The following ANKRD27 variants were observed in gnomAD, a reference collection of about 807,000 sequenced individuals.
The protein encoded by ANKRD27 is ankyrin repeat domain 27.
Under a neutral mutation model 129.7 loss-of-function variants are expected in ANKRD27, and 112 were observed. The observed-to-expected ratio is 0.86, with a 90% confidence interval of 0.74 to 1.01. The LOEUF (loss-of-function observed/expected upper bound fraction) is 1.01. ANKRD27 is among the 50% of genes least tolerant of loss of function. ANKRD27 has a pLI of 0.00. For missense variants in ANKRD27, 1,258 were observed against 1,300.5 expected (o/e 0.97, Z 0.50); for synonymous variants, 516 against 511.2 (o/e 1.01, Z -0.13).
intron 1 of ANKRD27, among the ~76,000 whole-genome samples, chr19:32,669,501 A>G (rs1325111759): frequency 2.6e-5 from 4 of 152,194 alleles, no homozygotes; most frequent in African/African-American, 9.6e-5. Flanking sequence ...GGCACATTGC[A>G]AAAGTAAAGA....
Position 32,644,364 on chromosome 19 carries a change from T to C in ANKRD27, c.486A>G (p.Thr162=), listed in dbSNP as rs773378845. The C allele has an allele frequency of 1.1e-4, 182 of 1,613,814 alleles. 1 individual carries two copies. In the Admixed American group the frequency reaches 2.7e-3, roughly 24 times the overall value. Residue 162 remains threonine, a synonymous_variant, in exon 5 of 29, where the codon ACA becomes ACG. Coordinates refer to ENST00000306065, the MANE Select transcript of ANKRD27 (RefSeq NM_032139.3). ...FDRNIASFHR[T]FRECERKSLR... is the part of the protein sequence containing the mutation. The stretch of plus-strand genomic sequence containing the variant: ...GGCTCTTTCTCTCGCATTCTCGGAA[T>C]GTTCGATGGAAAGAGGCGATGTTCC...
intron 1 of ANKRD27, among the ~76,000 whole-genome samples, chr19:32,669,462 T>C (rs138631943): frequency 1.9e-3 from 289 of 152,314 alleles, no homozygotes; most frequent in African/African-American, 6.6e-3. Flanking sequence ...CAAAACTCTT[T>C]CTAGTTCCTG....
At chr19:32,660,313 C>A (rs973899492) in intron 1 of ANKRD27, among the ~76,000 whole-genome samples, 1 of 152,070 alleles carries the variant, frequency 6.6e-6, no homozygotes, top group African/African-American at 2.4e-5. Flanking sequence ...GAGGCCAAGT[C>A]GGGAGGATCA....
Position 32,597,986 on chromosome 19 carries a change from A to T in ANKRD27, c.*159T>A. 4.6e-6 allele frequency: 3 copies of T among 649,010 alleles called. No homozygotes were observed. The highest frequency in any genetic ancestry group is 2.9e-5 in the Admixed American group (1 of 34,716). 40.2% of individuals were successfully genotyped at this position (649,010 alleles called of 1,614,324 possible). Reference sequence around the variant, plus strand: ...TGGTGGTGGTTAACTTTTTTGTTGCATTCTTTCCTGCCACAGAAAAGCTTT... The same window carrying T: ...TGGTGGTGGTTAACTTTTTTGTTGCTTTCTTTCCTGCCACAGAAAAGCTTT... On this transcript the variant is annotated 3_prime_UTR_variant, in exon 29 of 29. Coordinates refer to ENST00000306065, the MANE Select transcript of ANKRD27 (RefSeq NM_032139.3).
intron 2 of ANKRD27, among the ~76,000 whole-genome samples, chr19:32,656,084 AAAGAAAGAAAGAAAGAAAG>A (rs1568417709): frequency 3.3e-5 from 4 of 119,470 alleles, no homozygotes; most frequent in African/African-American, 1.6e-4. Flanking sequence ...AGAAAGAAAG[AAAGAAAGAAAGAAAGAAAG>A]AAAGAAAAGA....
intron 2 of ANKRD27, among the ~76,000 whole-genome samples, chr19:32,652,392 C>A (rs1292091429): frequency 6.6e-6 from 1 of 151,580 alleles, no homozygotes; most frequent in Non-Finnish European, 1.5e-5. Flanking sequence ...GAGTTTGAGA[C>A]CAGCCTGGCC....
chr19:32,642,209 T>TTTTAATGA, intron 9 of ANKRD27, 64 bp from the exon 10 acceptor site: 1 of 1,344,124 alleles, frequency 7.4e-7, no homozygotes, highest in Admixed American at 2.7e-5. Context: ...GGCCTGGATC[T>TTTTAATGA]AAGAACACAT....
intron 20 of ANKRD27, among the ~76,000 whole-genome samples, chr19:32,617,986 G>A (rs981487461): frequency 1.3e-5 from 2 of 151,740 alleles, no homozygotes; most frequent in African/African-American, 2.4e-5. Context: ...TCAAACTCCC[G>A]ACCTCAGGTG....
chr19:32,656,711 G>C (rs1003760161), intron 2 of ANKRD27, among the ~76,000 whole-genome samples: 33 of 151,680 alleles, frequency 2.2e-4, no homozygotes, highest in African/African-American at 7.3e-4. Context: ...CTTGAGTCTA[G>C]AGGTTTGAGG....
rs766043637 is a variant in ANKRD27, at chr19:32,639,474, C to T, written c.998G>A (p.Ser333Asn). Reference sequence around the variant, plus strand: ...GCTAAACCTGAAGTTTTTGATGTAACTCAAATTTGCCATCCTAATGAAAGG... The same window carrying T: ...GCTAAACCTGAAGTTTTTGATGTAATTCAAATTTGCCATCCTAATGAAAGG... Reference protein sequence around the residue: ...TEIPNWMANLSYIKNFRFSSL... With the variant: ...TEIPNWMANLNYIKNFRFSSL... Residue 333 changes from serine (S) to asparagine (N), a missense_variant, in exon 12 of 29, where the codon AGT becomes AAT. Transcript: ENST00000306065. 6.8e-6 allele frequency: 11 copies of T among 1,612,988 alleles called. No homozygotes were observed. In the South Asian group the frequency reaches 1.1e-4, roughly 16 times the overall value.
intron 17 of ANKRD27, among the ~76,000 whole-genome samples, chr19:32,625,233 G>A (rs985254156): frequency 6.6e-6 from 1 of 152,118 alleles, no homozygotes; most frequent in African/African-American, 2.4e-5. Context: ...TCCAGCCTAG[G>A]TGCCAGAGTG....
At chr19:32,661,769 T>C (rs1405063920) in intron 1 of ANKRD27, among the ~76,000 whole-genome samples, 1 of 152,192 alleles carries the variant, frequency 6.6e-6, no homozygotes, top group Non-Finnish European at 1.5e-5. Flanking sequence ...CTCACATGTC[T>C]GTGTCAGCCC....
chr19:32,627,764 A>G (rs1351340258), intron 15 of ANKRD27, among the ~76,000 whole-genome samples: 1 of 152,228 alleles, frequency 6.6e-6, no homozygotes, highest in Non-Finnish European at 1.5e-5. Flanking sequence ...CTGCGAGCTG[A>G]CGATTCTGAG....
chr19:32,649,114 G>A (rs960898068), intron 3 of ANKRD27, among the ~76,000 whole-genome samples: 8 of 151,778 alleles, frequency 5.3e-5, no homozygotes, highest in Non-Finnish European at 1.0e-4. Context: ...CTAGAAGCAC[G>A]CACCATCACG....
chr19:32,654,725 T>C lies in ANKRD27; in HGVS notation c.102+4189A>G, dbSNP rs561271701. 5.3e-5 allele frequency among the ~76,000 whole-genome samples: 8 copies of C among 152,258 alleles called. No individual in the cohort carries two copies. In the South Asian group the frequency reaches 1.7e-3, roughly 32 times the overall value. ...CCCAGGCTGGAGTGCAGTGGCTATT[T>C]AGAGGTGCAATCCCACTGCTGATCA... On this transcript the variant is annotated intron_variant, in intron 2 of 28. Transcript: ENST00000306065.
At chr19:32,620,391 T>G (rs1971990801) in intron 18 of ANKRD27, among the ~76,000 whole-genome samples, 1 of 148,910 alleles carries the variant, frequency 6.7e-6, no homozygotes, top group African/African-American at 2.5e-5. Flanking sequence ...AAACCCCATC[T>G]CTAATAAAAA....
rs149277805 is a variant in ANKRD27, at chr19:32,648,849, C to T, written c.213+833G>A. On this transcript the variant is annotated intron_variant, in intron 3 of 28. Coordinates refer to ENST00000306065, the MANE Select transcript of ANKRD27 (RefSeq NM_032139.3). The stretch of plus-strand genomic sequence containing the variant: ...AATAATAATATGTGTTGAGAGACAG[C>T]GATAAAACCAATGTGGCAAGAATGT... Among the ~76,000 whole-genome samples, 874 of 151,006 alleles carry T rather than the reference C, an allele frequency of 5.8e-3. 5 individuals are homozygous for T. Among genetic ancestry groups the T allele is most frequent in the African/African-American group, 0.019 (777 of 41,146 alleles).
intron 22 of ANKRD27, among the ~76,000 whole-genome samples, chr19:32,610,220 G>T (rs1971813789): frequency 6.6e-6 from 1 of 152,064 alleles, no homozygotes; most frequent in African/African-American, 2.4e-5. Flanking sequence ...TGAGGTAGGA[G>T]AATTGCTTGA....
At chr19:32,673,789 A>G (rs1265451226) in intron 1 of ANKRD27, among the ~76,000 whole-genome samples, 2 of 152,086 alleles carry the variant, frequency 1.3e-5, no homozygotes, top group Admixed American at 6.6e-5. Flanking sequence ...CCCGGGGCTC[A>G]GTACACCGGA....
Sources: allele counts gnomAD v4.1 joint callset (sites outside exome capture counted in the v4.1 genomes callset), GRCh38; gene constraint gnomAD v4.1.1; transcripts MANE v1.5; gene names NCBI Gene and HGNC (gene_info 2026-07-23, HGNC 2026-07-21).